Variants in HSD17B4 observed in about 807,000 individuals in gnomAD.
HSD17B4 encodes the protein hydroxysteroid 17-beta dehydrogenase 4.
HSD17B4 carries 70 observed loss-of-function variants against 101.0 expected under a neutral mutation model. The observed-to-expected ratio is 0.69, with a 90% CI of 0.57 to 0.85. HSD17B4 has a LOEUF of 0.85. HSD17B4 is among the 40% of genes least tolerant of loss of function. The pLI is 0.00. For missense variants in HSD17B4, 984 were observed against 892.4 expected (o/e 1.10, Z -1.31); for synonymous variants, 347 against 297.1 (o/e 1.17, Z -1.73).
intron 8 of HSD17B4, among the ~76,000 whole-genome samples, chr5:119,488,791 G>A (rs942259892): frequency 6.6e-6 from 1 of 152,080 alleles, no homozygotes; most frequent in Non-Finnish European, 1.5e-5. Flanking sequence ...CACTGTAATG[G>A]TCTAGGCTGT....
chr5:119,469,683 A>G (rs944993955), intron 2 of HSD17B4, among the ~76,000 whole-genome samples: 4 of 152,174 alleles, frequency 2.6e-5, no homozygotes, highest in Admixed American at 1.3e-4. Context: ...TTGTTCCTAC[A>G]TTGATATTTG....
chr5:119,529,408 T>C (rs1250339453), intron 20 of HSD17B4, among the ~76,000 whole-genome samples: 2 of 152,208 alleles, frequency 1.3e-5, no homozygotes, highest in African/African-American at 2.4e-5. Context: ...GATTTGTTCC[T>C]AGCCAATTTT....
chr5:119,455,582 A>G (rs1395012565), intron 1 of HSD17B4, among the ~76,000 whole-genome samples: 2 of 150,864 alleles, frequency 1.3e-5, no homozygotes, highest in Non-Finnish European at 3.0e-5. Flanking sequence ...ATATATATAT[A>G]TAATTTCTTT....
chr5:119,532,584 A>G (rs1367221226), intron 22 of HSD17B4, among the ~76,000 whole-genome samples: 2 of 152,138 alleles, frequency 1.3e-5, no homozygotes, highest in Non-Finnish European at 2.9e-5. Context: ...TAAGTATAAT[A>G]TGATACTGAG....
intron 17 of HSD17B4, among the ~76,000 whole-genome samples, chr5:119,521,191 T>G (rs190261581): frequency 6.6e-6 from 1 of 152,334 alleles, no homozygotes; most frequent in East Asian, 1.9e-4. Flanking sequence ...TAAAATCTTA[T>G]TTCTTAAAAA....
At chr5:119,454,221 A>G (rs13360025) in intron 1 of HSD17B4, among the ~76,000 whole-genome samples, 1,894 of 152,340 alleles carry the variant, frequency 0.012, 16 homozygotes, top group African/African-American at 0.023. Context: ...TTGTGAAACA[A>G]TGAGTTGTGA....
intron 2 of HSD17B4, among the ~76,000 whole-genome samples, chr5:119,468,173 T>C (rs1391355291): frequency 6.6e-6 from 1 of 152,190 alleles, no homozygotes; most frequent in East Asian, 1.9e-4. Flanking sequence ...TTGGATTCTT[T>C]TCTCTTTCTC....
chr5:119,510,589 C>G (rs1156885950), intron 16 of HSD17B4, among the ~76,000 whole-genome samples: 2 of 152,172 alleles, frequency 1.3e-5, no homozygotes, highest in Non-Finnish European at 2.9e-5. Context: ...ACAACCATGA[C>G]TTGTAAAAAA....
intron 16 of HSD17B4, among the ~76,000 whole-genome samples, chr5:119,511,202 C>T (rs1279692693): frequency 6.6e-6 from 1 of 152,214 alleles, no homozygotes; most frequent in Non-Finnish European, 1.5e-5. Context: ...AGTTCTGACC[C>T]TCTTCACAAG....
At chr5:119,538,300 A>T (rs1030525323) in intron 23 of HSD17B4, among the ~76,000 whole-genome samples, 2 of 152,050 alleles carry the variant, frequency 1.3e-5, no homozygotes, top group Non-Finnish European at 1.5e-5. Context: ...TCCAAAATAT[A>T]TCTTGAATTC....
rs1447874767 is a variant in HSD17B4 at position 119,499,340 on chromosome 5, C to T, written c.996C>T (p.Leu332=). The T allele has an allele frequency of 6.2e-7, 1 of 1,612,822 alleles. No individual in the cohort carries two copies. Among genetic ancestry groups the T allele is most frequent in the Non-Finnish European group, 8.5e-7 (1 of 1,179,028 alleles). ...SGFAGAIGQK[L]PPFSYAYTEL... ...AGGCTGGAGCTATTGGCCAGAAACT[C>T]CCTCCATTTTCTTATGCTTATACGG... Residue 332 remains leucine, a synonymous_variant, in exon 13 of 24, where the codon CTC becomes CTT. Coordinates refer to ENST00000510025, the MANE Select transcript of HSD17B4 (RefSeq NM_000414.4).
chr5:119,501,329 TA>T (rs112856975), intron 13 of HSD17B4, among the ~76,000 whole-genome samples: 2,134 of 147,310 alleles, frequency 0.014, 22 homozygotes, highest in African/African-American at 0.023. Context: ...TTTTTTTTTT[TA>T]AAATCCTTTT....
At chr5:119,530,974 T>C (rs1446123285) in intron 21 of HSD17B4, among the ~76,000 whole-genome samples, 2 of 151,824 alleles carry the variant, frequency 1.3e-5, no homozygotes. Context: ...TAGAAGTTGA[T>C]TAATTTGATC....
At chr5:119,503,741 CTG>C (rs1491458929) in intron 14 of HSD17B4, among the ~76,000 whole-genome samples, 5 of 141,236 alleles carry the variant, frequency 3.5e-5, no homozygotes, top group African/African-American at 2.6e-5. Flanking sequence ...TCTTTTCTGT[CTG>C]TTTTTTTTTT....
At chr5:119,504,098 G>A (rs76930980) in intron 14 of HSD17B4, among the ~76,000 whole-genome samples, 23,578 of 152,040 alleles carry the variant, frequency 0.16, 2,260 homozygotes, top group East Asian at 0.52. Flanking sequence ...ATGTTGCTGC[G>A]GAGCACATGA....
intron 14 of HSD17B4, among the ~76,000 whole-genome samples, chr5:119,505,595 A>T (rs1052422677): frequency 6.6e-6 from 1 of 152,078 alleles, no homozygotes; most frequent in Admixed American, 6.6e-5. Context: ...TTGATTTTGT[A>T]TCCTGAAACT....
In HSD17B4 at chr5:119,542,111, T is replaced by C. The variant is rs1580736848; in HGVS notation, c.*117T>C. ...AGATGCAGGGGAAATTGCTTAACATTTTCAGATATCAGATAACTGCAGATT... is the reference window on the plus strand; with the variant it reads ...AGATGCAGGGGAAATTGCTTAACATCTTCAGATATCAGATAACTGCAGATT... On this transcript the variant is annotated 3_prime_UTR_variant, in exon 24 of 24. Transcript: ENST00000510025. 10 of 728,002 alleles carry C rather than the reference T, an allele frequency of 1.4e-5. 1 individual carries two copies. The East Asian group carries it at 2.7e-4, about 20-fold the overall frequency. 45.1% of individuals were successfully genotyped at this position (728,002 alleles called of 1,614,324 possible).
chr5:119,525,363 C>T (rs1753489748), intron 18 of HSD17B4, 78 bp downstream of exon 18: 2 of 869,428 alleles, frequency 2.3e-6, no homozygotes, highest in African/African-American at 3.4e-5. Context: ...GACACTACTA[C>T]TTATGACTGG....
At chr5:119,536,720 T>C (rs1276245777) in intron 23 of HSD17B4, among the ~76,000 whole-genome samples, 170 bp downstream of exon 23, 2 of 152,160 alleles carry the variant, frequency 1.3e-5, no homozygotes, top group Non-Finnish European at 2.9e-5. Context: ...ATTTCTTTTT[T>C]AATGGAGTTT....
Sources: gnomAD v4.1 joint callset for allele counts (sites outside exome capture counted in the v4.1 genomes callset) on GRCh38, gnomAD v4.1.1 for gene constraint, MANE v1.5 for transcripts, NCBI Gene and HGNC (gene_info 2026-07-23, HGNC 2026-07-21) for gene names.